The following RUFY2 variants were observed in gnomAD, a reference collection of about 807,000 sequenced individuals.
RUFY2 encodes RUN and FYVE domain containing 2, also known as RUN and FYVE domain-containing protein 2.
In RUFY2, 49 loss-of-function variants were observed where a neutral mutation model predicts 94.4. The ratio of observed to expected loss-of-function variants is 0.52; its 90% confidence interval spans 0.41 to 0.66. The LOEUF is 0.66. Among genes scored for constraint, RUFY2 ranks in the 30% least tolerant of loss-of-function variants. The pLI, the probability that RUFY2 is intolerant of heterozygous loss-of-function variation, is 0.00. For missense variants in RUFY2, 541 were observed against 692.8 expected (o/e 0.78, Z 2.46); for synonymous variants, 255 against 235.7 (o/e 1.08, Z -0.75).
chr10:68,361,344 A>G (rs1019228742), intron 15 of RUFY2, among the ~76,000 whole-genome samples: 1 of 152,230 alleles, frequency 6.6e-6, no homozygotes, highest in Non-Finnish European at 1.5e-5. Flanking sequence ...TTACTTTACT[A>G]TTCCACTGTT....
chr10:68,405,381 G>A lies in RUFY2; in HGVS notation c.5-537C>T, dbSNP rs1377681173. On this transcript the variant is annotated intron_variant, in intron 1 of 17. Coordinates refer to ENST00000602465, the MANE Select transcript of RUFY2 (RefSeq NM_001330103.2). ...AATTTCCATGACCACTCCAGCCAAA[G>A]TTAATGAATTATTCTCAAGATCCTG... is the stretch of plus-strand genomic sequence containing the variant. The A allele has an allele frequency of 8.6e-6, 6 of 698,788 alleles. No individual in the cohort carries two copies. In the East Asian group the frequency reaches 6.7e-4, roughly 78 times the overall value. 43.3% of individuals were successfully genotyped at this position (698,788 alleles called of 1,614,324 possible). A position where few individuals can be genotyped will look rare whatever the true frequency, so the allele number is the denominator to read the frequency against.
Position 68,344,590 on chromosome 10 carries a change from C to T in RUFY2, c.*1178G>A, listed in dbSNP as rs2046170766. 1 of 152,328 alleles carries T rather than the reference C, an allele frequency of 6.6e-6. No individual in the cohort carries two copies. Among genetic ancestry groups the T allele is most frequent in the South Asian group, 2.1e-4 (1 of 4,832 alleles). 9.4% of individuals were successfully genotyped at this position (152,328 alleles called of 1,614,324 possible). On this transcript the variant is annotated 3_prime_UTR_variant, in exon 18 of 18. Transcript: ENST00000602465. ...TGGCTCACGCCTGTAATCCCAGCTA[C>T]TTGGGAGGCTGAGGCAGGAGAATTG... is the stretch of plus-strand genomic sequence containing the variant.
chr10:68,379,362 A>G, intron 12 of RUFY2, 62 bp downstream of exon 12: 1 of 1,195,030 alleles, frequency 8.4e-7, no homozygotes. Context: ...AGGTGTAGGA[A>G]CTGAATAAAG....
At chr10:68,386,567 C>T (rs1329168286) in intron 7 of RUFY2, among the ~76,000 whole-genome samples, 2 of 152,144 alleles carry the variant, frequency 1.3e-5, no homozygotes, top group East Asian at 3.9e-4. Flanking sequence ...TCAGGCTGGT[C>T]TTGAACTCCT....
chr10:68,397,662 C>T (rs2050489665), intron 3 of RUFY2, among the ~76,000 whole-genome samples: 1 of 151,434 alleles, frequency 6.6e-6, no homozygotes, highest in African/African-American at 2.4e-5. Flanking sequence ...GCCTGTATTC[C>T]CAGCTACTCA....
At chr10:68,401,008 G>A (rs879511430) in intron 3 of RUFY2, among the ~76,000 whole-genome samples, 10 of 125,440 alleles carry the variant, frequency 8.0e-5, no homozygotes, top group South Asian at 2.5e-4. Context: ...GCGAGACTCC[G>A]TCTCAAAGAA....
At chr10:68,364,751 T>C (rs1247301230) in intron 13 of RUFY2, among the ~76,000 whole-genome samples, 1 of 151,812 alleles carries the variant, frequency 6.6e-6, no homozygotes, top group African/African-American at 2.4e-5. Flanking sequence ...GACAGGGTCT[T>C]GCTATGTTGC....
intron 15 of RUFY2, among the ~76,000 whole-genome samples, chr10:68,359,849 T>A (rs2047339411): frequency 6.6e-6 from 1 of 151,054 alleles, no homozygotes; most frequent in Admixed American, 6.6e-5. Flanking sequence ...CTGAGTAAAT[T>A]ATAATTAGAC....
intron 13 of RUFY2, among the ~76,000 whole-genome samples, chr10:68,366,759 T>TATATATATATATATACATATAA (rs1235098742): frequency 7.6e-6 from 1 of 131,868 alleles, no homozygotes; most frequent in Admixed American, 9.0e-5. Context: ...TATATATATA[T>TATATATATATATATACATATAA]AATATTAAAT....
intron 12 of RUFY2, 69 bp from the exon 13 acceptor site, chr10:68,377,041 CA>C: frequency 6.4e-7 from 1 of 1,551,176 alleles, no homozygotes; most frequent in Non-Finnish European, 8.6e-7. Flanking sequence ...GTGAAGAAGA[CA>C]AATAAAAGAA....
At chr10:68,398,825 A>G (rs2050597118) in intron 3 of RUFY2, among the ~76,000 whole-genome samples, 1 of 152,166 alleles carries the variant, frequency 6.6e-6, no homozygotes, top group Non-Finnish European at 1.5e-5. Flanking sequence ...CTTATAGCTT[A>G]GCATTTTAAT....
intron 7 of RUFY2, among the ~76,000 whole-genome samples, chr10:68,391,927 T>C (rs928670118): frequency 1.2e-4 from 17 of 136,164 alleles, no homozygotes; most frequent in Non-Finnish European, 2.1e-4. Context: ...GACGGTGCCA[T>C]TGCACTCCAG....
chr10:68,366,006 TAC>T (rs2132514984), intron 13 of RUFY2, among the ~76,000 whole-genome samples: 1 of 152,208 alleles, frequency 6.6e-6, no homozygotes, highest in Non-Finnish European at 1.5e-5. Flanking sequence ...ACATGTTGAA[TAC>T]TAAAGGCAAA....
intron 1 of RUFY2, among the ~76,000 whole-genome samples, chr10:68,406,414 A>G (rs1368125784): frequency 2.6e-5 from 4 of 152,058 alleles, no homozygotes; most frequent in African/African-American, 9.7e-5. Context: ...ATCCGTGGCA[A>G]CTCTCATTTT....
chr10:68,399,788 G>A (rs1306834805), intron 3 of RUFY2, among the ~76,000 whole-genome samples: 1 of 152,126 alleles, frequency 6.6e-6, no homozygotes, highest in Non-Finnish European at 1.5e-5. Context: ...TGTAATACCA[G>A]CACTTTTTTT....
chr10:68,364,834 T>C (rs1052542253), intron 13 of RUFY2, among the ~76,000 whole-genome samples: 7 of 151,798 alleles, frequency 4.6e-5, no homozygotes, highest in Admixed American at 1.3e-4. Context: ...TCTGAGACTA[T>C]AGGCCTGCCA....
intron 15 of RUFY2, among the ~76,000 whole-genome samples, chr10:68,359,507 T>A (rs748404674): frequency 2.6e-4 from 37 of 144,172 alleles, no homozygotes; most frequent in Admixed American, 3.5e-4. Flanking sequence ...ACTATATATA[T>A]AAATATACAT....
At position 68,355,399 on chromosome 10, in the gene RUFY2, G is replaced by A. The variant is rs759675700; in HGVS notation, c.1553C>T (p.Ser518Leu). 1.3e-6 allele frequency: 2 copies of A among 1,598,660 alleles called. No homozygotes were observed. Among genetic ancestry groups the A allele is most frequent in the South Asian group, 1.1e-5 (1 of 90,396 alleles). ...TTTTATGTCTTCAATTTTAAGTTTT[G>A]ATCTAAAAAGATTACAAATAGGTCC... ...LQELGNKLSE[S>L]KLKIEDIKEA... is the part of the protein sequence containing the mutation. Residue 518 changes from serine to leucine, a missense_variant and splice_region_variant, in exon 16 of 18, where the codon TCA becomes TTA. This residue lies in a region of RUFY2 where 403 missense variants were observed against 480.7 expected (regional missense o/e 0.84). Coordinates refer to ENST00000602465, the MANE Select transcript of RUFY2 (RefSeq NM_001330103.2).
chr10:68,398,821 G>A (rs2050596890), intron 3 of RUFY2, among the ~76,000 whole-genome samples: 1 of 151,892 alleles, frequency 6.6e-6, no homozygotes, highest in South Asian at 2.1e-4. Flanking sequence ...ATTTCTTATA[G>A]CTTAGCATTT....
Sources: allele counts gnomAD v4.1 joint callset (sites outside exome capture counted in the v4.1 genomes callset), GRCh38; gene constraint gnomAD v4.1.1; regional missense constraint gnomAD v4.1.1; transcripts MANE v1.5; gene names NCBI Gene and HGNC (gene_info 2026-07-23, HGNC 2026-07-21).